The following JAK2 variants were observed in gnomAD, a reference collection of about 807,000 sequenced individuals.
The protein encoded by JAK2 is Janus kinase 2.
In JAK2, 86 loss-of-function variants were observed where a neutral mutation model predicts 139.3. The observed-to-expected ratio is 0.62, with a 90% CI of 0.52 to 0.74. The LOEUF (loss-of-function observed/expected upper bound fraction) is 0.74. Among genes scored for constraint, JAK2 ranks in the 30% least tolerant of loss-of-function variants. The pLI is 0.00. For missense variants in JAK2, 1,421 were observed against 1,360.3 expected (o/e 1.04, Z -0.70); for synonymous variants, 490 against 437.7 (o/e 1.12, Z -1.49).
Position 5,064,962 on chromosome 9 carries a change from C to G in JAK2, c.1136C>G (p.Ala379Gly), listed in dbSNP as rs775566659. 1 of 1,605,992 alleles carries G rather than the reference C, an allele frequency of 6.2e-7. No homozygotes were observed. Reference sequence around the variant, plus strand: ...GGATATTATAGATTAACTGCAGATGCACATCATTACCTCTGTAAAGAAGTA... The same window carrying G: ...GGATATTATAGATTAACTGCAGATGGACATCATTACCTCTGTAAAGAAGTA... ...IDGYYRLTAD[A>G]HHYLCKEVAP... The change falls in exon 9 of 25, where the codon GCA (alanine) becomes GGA (glycine). Residue 379 changes from alanine (A) to glycine (G), a missense_variant. Ala to Gly is a moderately conservative substitution (Grantham distance 60). Transcript: ENST00000381652.
chr9:5,098,073 T>A (rs1821160758), intron 22 of JAK2: 1 of 152,202 alleles, frequency 6.6e-6, no homozygotes, highest in Non-Finnish European at 1.5e-5. Flanking sequence ...ATTTTTATAA[T>A]CTGAGAAGCC....
At position 5,103,221 on chromosome 9, in the gene JAK2, C is replaced by CAAAAAAA. The variant is rs56691830; in HGVS notation, c.3059+12338_3059+12344dup. Among the ~76,000 whole-genome samples the CAAAAAAA allele has an allele frequency of 5.8e-4, 4 of 6,872 alleles. 1 individual carries two copies. The highest frequency in any genetic ancestry group is 3.6e-3 in the East Asian group (1 of 276). The allele number at this position is 6,872 out of a possible 152,430, so 4.5% of individuals were successfully genotyped here. ...GAAGATCTACCAAGCAAAGGGAAAG[C>CAAAAAAA]AAAAAAAAAAAAAAAAAAAAAAAAA... On this transcript the variant is annotated intron_variant, in intron 22 of 24. Coordinates refer to ENST00000381652, the MANE Select transcript of JAK2 (RefSeq NM_004972.4).
intron 22 of JAK2, chr9:5,098,297 A>C (rs1451283402): frequency 6.6e-6 from 1 of 152,202 alleles, no homozygotes; most frequent in Non-Finnish European, 1.5e-5. Flanking sequence ...TTCATTACGT[A>C]ACTTTGTCAA....
chr9:5,058,417 C>T (rs577328025), intron 8 of JAK2, among the ~76,000 whole-genome samples: 16 of 152,262 alleles, frequency 1.1e-4, no homozygotes, highest in Non-Finnish European at 1.9e-4. Flanking sequence ...ACCATCAGAT[C>T]TCATGAGAAC....
intron 2 of JAK2, among the ~76,000 whole-genome samples, chr9:5,013,402 A>G (rs1821830740): frequency 6.6e-6 from 1 of 152,250 alleles, no homozygotes; most frequent in South Asian, 2.1e-4. Context: ...ATCTTGCAAT[A>G]GAATGCAAAA....
Position 5,090,485 on chromosome 9 carries a change from A to G in JAK2, c.2801A>G (p.Tyr934Cys). The change falls in exon 21 of 25, where the codon TAT becomes TGT. Residue 934 changes from tyrosine to cysteine, a missense_variant. By Grantham distance (194) the Tyr-to-Cys change is radical. Coordinates refer to ENST00000381652, the MANE Select transcript of JAK2 (RefSeq NM_004972.4). ...AAATTAATTATGGAATATTTACCAT[A>G]TGGAAGTTTACGAGACTATCTTCAA... ...NLKLIMEYLP[Y>C]GSLRDYLQKH... The G allele has an allele frequency of 6.3e-7, 1 of 1,586,738 alleles. No homozygotes were observed. Among genetic ancestry groups the G allele is most frequent in the Non-Finnish European group, 8.6e-7 (1 of 1,166,976 alleles).
chr9:5,088,682 T>A (rs1317827094), intron 19 of JAK2, among the ~76,000 whole-genome samples: 1 of 152,240 alleles, frequency 6.6e-6, no homozygotes, highest in African/African-American at 2.4e-5. Context: ...GCCTGGAAAG[T>A]CTGAGATCAA....
At chr9:5,027,721 T>C (rs1240594321) in intron 3 of JAK2, among the ~76,000 whole-genome samples, 1 of 152,220 alleles carries the variant, frequency 6.6e-6, no homozygotes, top group Non-Finnish European at 1.5e-5. Flanking sequence ...AATCCTTTGT[T>C]GTCATTTCAA....
chr9:4,994,273 C>A (rs372187106), intron 2 of JAK2, among the ~76,000 whole-genome samples: 2 of 152,172 alleles, frequency 1.3e-5, no homozygotes, highest in African/African-American at 4.8e-5. Flanking sequence ...CACTTAAAGT[C>A]ACAGTTTCCA....
At chr9:5,125,111 A>C (rs1823888550) in intron 23 of JAK2, among the ~76,000 whole-genome samples, 1 of 151,360 alleles carries the variant, frequency 6.6e-6, no homozygotes, top group Non-Finnish European at 1.5e-5. Context: ...AAAGTATGAA[A>C]AAATAAAAAT....
intron 19 of JAK2, among the ~76,000 whole-genome samples, chr9:5,088,063 T>C (rs1586767195): frequency 6.6e-6 from 1 of 152,352 alleles, no homozygotes; most frequent in Non-Finnish European, 1.5e-5. Context: ...TAAAATGTGT[T>C]TTGGAATAAT....
At position 5,049,807 on chromosome 9, in the gene JAK2, T is replaced by G. The variant is rs141411165; in HGVS notation, c.469-879T>G. On this transcript the variant is annotated intron_variant, in intron 5 of 24. Transcript: ENST00000381652. Reference sequence around the variant, plus strand: ...GTTATAGCCTAGTATATGCCTAGTCTGTATGGTATAGCCTATTATTGCTCT... The same window carrying G: ...GTTATAGCCTAGTATATGCCTAGTCGGTATGGTATAGCCTATTATTGCTCT... 1.8e-4 allele frequency among the ~76,000 whole-genome samples: 27 copies of G among 152,366 alleles called. No individual in the cohort carries two copies. The East Asian group carries it at 4.4e-3, about 25-fold the overall frequency.
intron 4 of JAK2, among the ~76,000 whole-genome samples, chr9:5,031,946 C>G (rs80231148): frequency 6.6e-6 from 1 of 152,182 alleles, no homozygotes; most frequent in Non-Finnish European, 1.5e-5. Context: ...GAGCATGAGC[C>G]GAAGCAGGGC....
chr9:5,113,717 G>C (rs1586823939), intron 22 of JAK2: 2 of 164,952 alleles, frequency 1.2e-5, no homozygotes, highest in Non-Finnish European at 2.8e-5. Flanking sequence ...GACCTTCCCA[G>C]CCACCACCCT....
chr9:5,110,782 G>C (rs918343424), intron 22 of JAK2: 2 of 401,032 alleles, frequency 5.0e-6, no homozygotes, highest in South Asian at 4.0e-5. Flanking sequence ...AGTGGTAAGG[G>C]CCCGGGCCAC....
At chr9:5,041,961 G>T in intron 4 of JAK2, 2 of 375,278 alleles carry the variant, frequency 5.3e-6, no homozygotes, top group Non-Finnish European at 1.0e-5. Flanking sequence ...TTCTCCGTGC[G>T]GCCCCTTGGG....
intron 7 of JAK2, 145 bp downstream of exon 7, chr9:5,055,029 G>A: frequency 1.9e-6 from 1 of 521,194 alleles, no homozygotes; most frequent in Non-Finnish European, 3.3e-6. Context: ...AACCTATCAA[G>A]GTCATATAAT....
At chr9:5,111,534 C>T (rs1822539173) in intron 22 of JAK2, 5 of 367,288 alleles carry the variant, frequency 1.4e-5, no homozygotes, top group South Asian at 1.0e-4. Context: ...CCCAGCAGCG[C>T]CTGTCCCGCC....
At chr9:4,990,618 T>A (rs1820187545) in intron 2 of JAK2, among the ~76,000 whole-genome samples, 1 of 151,848 alleles carries the variant, frequency 6.6e-6, no homozygotes, top group Non-Finnish European at 1.5e-5. Flanking sequence ...AAAAAAACAG[T>A]ATGAGAGGCA....
Sources: allele counts gnomAD v4.1 joint callset (sites outside exome capture counted in the v4.1 genomes callset), GRCh38; gene constraint gnomAD v4.1.1; transcripts MANE v1.5; gene names NCBI Gene and HGNC (gene_info 2026-07-23, HGNC 2026-07-21).